MYCBP2: variants seen among roughly 807,000 people sequenced by gnomAD.
The protein encoded by MYCBP2 is MYC binding protein 2.
In MYCBP2, 120 loss-of-function variants were observed where a neutral mutation model predicts 525.3. That is an observed-to-expected ratio of 0.23 (90% CI 0.20 to 0.27). The LOEUF is 0.27. MYCBP2 is among the 10% of genes least tolerant of loss of function. MYCBP2 has a pLI of 1.00. For synonymous variants in MYCBP2, 1,894 were observed against 1,955.8 expected (o/e 0.97, Z 0.83); for missense variants, 4,149 against 5,657.1 (o/e 0.73, Z 8.55).
intron 1 of MYCBP2, among the ~76,000 whole-genome samples, chr13:77,315,094 GAAT>G (rs889788562): frequency 7.9e-5 from 12 of 152,210 alleles, no homozygotes; most frequent in Middle Eastern, 3.4e-3. Context: ...AAATTGACAT[GAAT>G]AATAACAGAA....
intron 7 of MYCBP2, 130 bp from the exon 8 acceptor site, chr13:77,268,067 A>G: frequency 1.7e-6 from 1 of 588,852 alleles, no homozygotes; most frequent in Non-Finnish European, 3.0e-6. Flanking sequence ...AAAAGATATT[A>G]ATGATTAAAA....
In MYCBP2 at chr13:77,095,601, A is replaced by G. The variant is rs146798180; in HGVS notation, c.9956T>C (p.Val3319Ala). The G allele has an allele frequency of 6.5e-5, 104 of 1,609,004 alleles. No homozygotes were observed. Among genetic ancestry groups the G allele is most frequent in the Non-Finnish European group, 8.1e-5 (95 of 1,176,522 alleles). The change falls in exon 58 of 83, where the codon GTC becomes GCC. Residue 3319 changes from valine (V) to alanine (A), a missense_variant and splice_region_variant. This residue lies in a region of MYCBP2 where 509 missense variants were observed against 789.4 expected (regional missense o/e 0.64). Transcript: ENST00000544440. The part of the protein sequence containing the change: ...REKQAAAREK[V>A]KQSRRKPMQV... ...CATTGGTTTTCTCCTAGATTGTTTG[A>G]CCTGGCGAAGAAAAAAATCAAACTA...
In MYCBP2 at chr13:77,158,070, C is replaced by A. The variant is rs1332304704; in HGVS notation, c.6637G>T (p.Ala2213Ser). 6.2e-7 allele frequency: 1 copy of A among 1,604,738 alleles called. No individual in the cohort carries two copies. The highest frequency in any genetic ancestry group is 8.5e-7 in the Non-Finnish European group (1 of 1,176,454). The change falls in exon 45 of 83, where the codon GCT (alanine) becomes TCT (serine). Residue 2213 changes from alanine (A) to serine (S), a missense_variant. By Grantham distance (99) the Ala-to-Ser change is moderately conservative (BLOSUM62 1). Around this residue, in one of 21 missense-constraint regions of MYCBP2, gnomAD observed 692 missense variants for 852.7 expected, o/e 0.81. Coordinates refer to ENST00000544440, the MANE Select transcript of MYCBP2 (RefSeq NM_015057.5). ...THSGILGKGL[A>S]LSHSPTILEA... ...AATATAGTTGGTGAATGAGAAAGAGCTAGACCCTTTCCAAGAATTCCAGAA... is the reference window on the plus strand; with the variant it reads ...AATATAGTTGGTGAATGAGAAAGAGATAGACCCTTTCCAAGAATTCCAGAA...
chr13:77,051,265 G>T, intron 81 of MYCBP2, 103 bp from the exon 82 acceptor site: 1 of 1,001,406 alleles, frequency 1.0e-6, no homozygotes. Context: ...CATATTTTGA[G>T]GGCCTACATA....
intron 4 of MYCBP2, among the ~76,000 whole-genome samples, chr13:77,275,939 G>A (rs1342791526): frequency 1.3e-5 from 2 of 152,124 alleles, no homozygotes; most frequent in South Asian, 2.1e-4. Flanking sequence ...AGCCAAGATC[G>A]CACCACTGCA....
intron 39 of MYCBP2, among the ~76,000 whole-genome samples, chr13:77,169,374 T>C (rs967675641): frequency 1.9e-4 from 23 of 118,314 alleles, no homozygotes; most frequent in Admixed American, 2.4e-4. Flanking sequence ...CCCGCCTGGG[T>C]GACAGAACAA....
intron 10 of MYCBP2, 24 bp downstream of exon 10, chr13:77,263,627 A>G (rs1333012935): frequency 1.3e-6 from 2 of 1,594,362 alleles, no homozygotes; most frequent in Non-Finnish European, 1.7e-6. Flanking sequence ...AAATATAGGG[A>G]AAACACTTAA....
chr13:77,134,304 T>C (rs1168659491), intron 52 of MYCBP2, among the ~76,000 whole-genome samples: 1 of 151,942 alleles, frequency 6.6e-6, no homozygotes, highest in Non-Finnish European at 1.5e-5. Context: ...CCAAGGTAGG[T>C]GGATCACTTG....
At chr13:77,250,206 G>A (rs1179525941) in intron 15 of MYCBP2, among the ~76,000 whole-genome samples, 1 of 141,746 alleles carries the variant, frequency 7.1e-6, no homozygotes, top group Non-Finnish European at 1.5e-5. Flanking sequence ...CTGGGCGACA[G>A]AGCGAGACTC....
At position 77,206,789 on chromosome 13, in the gene MYCBP2, A is replaced by T. The variant is rs878945603; in HGVS notation, c.3453T>A (p.Asn1151Lys). The T allele has an allele frequency of 6.2e-7, 1 of 1,611,162 alleles. No homozygotes were observed. The highest frequency in any genetic ancestry group is 8.5e-7 in the Non-Finnish European group (1 of 1,178,274). The change falls in exon 24 of 83, where the codon AAT becomes AAA. Residue 1151 changes from asparagine (N) to lysine (K), a missense_variant. Coordinates refer to ENST00000544440, the MANE Select transcript of MYCBP2 (RefSeq NM_015057.5). ...GAAGCCTGGCATCAGCAACCACCGC[A>T]TTGTAACACCACAGCTCTCTAGTAT... ...RPNTRELWCYNAVVADARLPS... is the reference protein window; with the variant it reads ...RPNTRELWCYKAVVADARLPS...
At position 77,260,492 on chromosome 13, in the gene MYCBP2, A is replaced by T; in HGVS notation, c.1953T>A (p.Ser651=). 1 of 1,610,592 alleles carries T rather than the reference A, an allele frequency of 6.2e-7. No individual in the cohort carries two copies. Among genetic ancestry groups the T allele is most frequent in the Non-Finnish European group, 8.5e-7 (1 of 1,178,188 alleles). Residue 651 remains serine, a synonymous_variant, in exon 13 of 83, where the codon TCT becomes TCA. Transcript: ENST00000544440. Reference sequence around the variant, plus strand: ...AGAGTTCTCCATCTTTAGAAATAACAGAACTACTTCCATTATTGCAGGCTG... The same window carrying T: ...AGAGTTCTCCATCTTTAGAAATAACTGAACTACTTCCATTATTGCAGGCTG... The part of the protein sequence containing the change: ...VYTACNNGSS[S]VISKDGELYM...
chr13:77,264,057 GA>G, intron 8 of MYCBP2, 55 bp from the exon 9 acceptor site: 1 of 1,425,098 alleles, frequency 7.0e-7, no homozygotes, highest in Non-Finnish European at 9.8e-7. Flanking sequence ...CTTGCAAAAT[GA>G]ATTTACTCCT....
Position 77,186,003 on chromosome 13 carries a change from C to T in MYCBP2, c.4312G>A (p.Val1438Ile), listed in dbSNP as rs957653897. 1.2e-6 allele frequency: 2 copies of T among 1,613,550 alleles called. No individual in the cohort carries two copies. The highest frequency in any genetic ancestry group is 2.7e-5 in the African/African-American group (2 of 75,030). The change falls in exon 31 of 83, where the codon GTT becomes ATT. Residue 1438 changes from valine to isoleucine, a missense_variant. Coordinates refer to ENST00000544440, the MANE Select transcript of MYCBP2 (RefSeq NM_015057.5). ...HWSWTTLVLG[V>I]EELRGLKGFQ... ...CCTTTTAATCCTCTAAGTTCTTCAA[C>T]TCCTAAGACTAAGGTGGTCCAGCTC...
intron 26 of MYCBP2, among the ~76,000 whole-genome samples, chr13:77,200,363 A>T (rs909055419): frequency 2.5e-4 from 38 of 152,104 alleles, no homozygotes; most frequent in Non-Finnish European, 1.9e-4. Flanking sequence ...AAAGAAACGA[A>T]CAAAGCCTCC....
chr13:77,276,363 A>G (rs762573528), intron 4 of MYCBP2, among the ~76,000 whole-genome samples: 1 of 152,198 alleles, frequency 6.6e-6, no homozygotes, highest in Non-Finnish European at 1.5e-5. Flanking sequence ...AGGATAACCA[A>G]TAAGATTGTG....
intron 2 of MYCBP2, among the ~76,000 whole-genome samples, chr13:77,291,376 T>C (rs2077450766): frequency 6.6e-6 from 1 of 152,204 alleles, no homozygotes; most frequent in African/African-American, 2.4e-5. Flanking sequence ...GAATACCATA[T>C]GTTTGCAAAG....
intron 76 of MYCBP2, 52 bp from the exon 77 acceptor site, chr13:77,059,678 T>A: frequency 7.4e-7 from 1 of 1,348,636 alleles, no homozygotes; most frequent in Non-Finnish European, 1.1e-6. Context: ...TTTCTAGATA[T>A]GTTAACAGAA....
chr13:77,200,592 A>T (rs1170158820), intron 26 of MYCBP2, among the ~76,000 whole-genome samples: 1 of 152,222 alleles, frequency 6.6e-6, no homozygotes, highest in Non-Finnish European at 1.5e-5. Context: ...CATAATTGTC[A>T]GATTTACCAA....
intron 45 of MYCBP2, among the ~76,000 whole-genome samples, chr13:77,156,441 T>C (rs184301569): frequency 4.2e-4 from 64 of 152,324 alleles, no homozygotes; most frequent in Middle Eastern, 6.8e-3. Context: ...AGTATAAAAA[T>C]ACTTTTTAAA....
Sources: allele counts gnomAD v4.1 joint callset (sites outside exome capture counted in the v4.1 genomes callset), GRCh38; gene constraint gnomAD v4.1.1; regional missense constraint gnomAD v4.1.1; transcripts MANE v1.5; gene names NCBI Gene and HGNC (gene_info 2026-07-23, HGNC 2026-07-21).